Variants in ATAD3A observed in about 807,000 individuals in gnomAD.
ATAD3A encodes the protein ATPase family AAA domain containing 3A, also known as ATPase family AAA domain-containing protein 3A.
Under a neutral mutation model 73.8 loss-of-function variants are expected in ATAD3A, and 46 were observed. The ratio of observed to expected loss-of-function variants is 0.62; its 90% CI spans 0.49 to 0.80. The LOEUF (loss-of-function observed/expected upper bound fraction) is 0.80. Ranked by LOEUF, ATAD3A falls within the 30% of genes least tolerant of loss-of-function variation. ATAD3A has a pLI of 0.00. For synonymous variants in ATAD3A, 319 were observed against 350.0 expected (o/e 0.91, Z 0.99); for missense variants, 705 against 838.0 (o/e 0.84, Z 1.96).
At chr1:1,531,403 A>T (rs1467056176) in intron 15 of ATAD3A, among the ~76,000 whole-genome samples, 2 of 151,754 alleles carry the variant, frequency 1.3e-5, no homozygotes, top group Non-Finnish European at 2.9e-5. Flanking sequence ...AAGAGCCGAG[A>T]TTGCACCACT....
rs1157997013 is a variant in ATAD3A, at chr1:1,534,181, T to A, written c.*109T>A. ...ATGCTCCTGGGTGGGGACTGGGCTG[T>A]GCCCAGGGCCTCTGTCCCCCAGGAT... On this transcript the variant is annotated 3_prime_UTR_variant, in exon 16 of 16. Coordinates refer to ENST00000378756, the MANE Select transcript of ATAD3A (RefSeq NM_001170535.3). 4.4e-6 allele frequency: 7 copies of A among 1,578,436 alleles called. No individual in the cohort carries two copies. The highest frequency in any genetic ancestry group is 6.0e-6 in the Non-Finnish European group (7 of 1,163,138).
Position 1,533,934 on chromosome 1 carries a change from G to A in ATAD3A, c.1623G>A (p.Ala541=), listed in dbSNP as rs147003509. The change falls in exon 16 of 16, where the codon GCG becomes GCA. Residue 541 remains alanine, a synonymous_variant. Coordinates refer to ENST00000378756, the MANE Select transcript of ATAD3A (RefSeq NM_001170535.3). ...AQLAVSWQAT[A]YASEDGVLTE... ...GCCTCTCTCCCCACTAGGCCACGGCGTATGCCTCCGAGGACGGGGTCCTGA... is the reference window on the plus strand; with the variant it reads ...GCCTCTCTCCCCACTAGGCCACGGCATATGCCTCCGAGGACGGGGTCCTGA... The A allele has an allele frequency of 1.5e-4, 234 of 1,612,958 alleles. No individual in the cohort carries two copies. Among genetic ancestry groups the A allele is most frequent in the Middle Eastern group, 3.3e-4 (2 of 6,038 alleles).
chr1:1,515,666 G>A (rs1051470443), intron 1 of ATAD3A, among the ~76,000 whole-genome samples: 1 of 152,196 alleles, frequency 6.6e-6, no homozygotes, highest in African/African-American at 2.4e-5. Context: ...GGAAGCTTAG[G>A]AAAAGCGAAT....
In ATAD3A at chr1:1,524,331, C is replaced by T; in HGVS notation, c.1148C>T (p.Pro383Leu). ...ATCATGACAGGCGGGGACGTGGCCC[C>T]CATGGGGCGGGAAGGCGTGACCGCC... Reference protein sequence around the residue: ...YAIMTGGDVAPMGREGVTAMH... With the variant: ...YAIMTGGDVALMGREGVTAMH... Residue 383 changes from proline (P) to leucine (L), a missense_variant, in exon 11 of 16, where the codon CCC becomes CTC. By Grantham distance (98) the Pro-to-Leu change is moderately conservative. This residue lies in a region of ATAD3A where 6 missense variants were observed against 26.7 expected (regional missense o/e 0.23). Transcript: ENST00000378756. The T allele has an allele frequency of 6.2e-7, 1 of 1,613,016 alleles. No individual in the cohort carries two copies. Among genetic ancestry groups the T allele is most frequent in the Non-Finnish European group, 8.5e-7 (1 of 1,179,552 alleles).
At chr1:1,521,471 C>T (rs895694318) in intron 7 of ATAD3A, among the ~76,000 whole-genome samples, 14 of 152,288 alleles carry the variant, frequency 9.2e-5, no homozygotes, top group African/African-American at 3.4e-4. Flanking sequence ...GGTGGCGCCC[C>T]ACGTCCCACA....
chr1:1,529,423 C>G, intron 15 of ATAD3A, 92 bp downstream of exon 15: 1 of 1,494,368 alleles, frequency 6.7e-7, no homozygotes, highest in Non-Finnish European at 8.9e-7. Flanking sequence ...ACCGGTGTCA[C>G]GCGGGAGCTT....
intron 15 of ATAD3A, among the ~76,000 whole-genome samples, chr1:1,532,162 A>AT (rs1020102327): frequency 6.6e-6 from 1 of 151,988 alleles, no homozygotes; most frequent in Non-Finnish European, 1.5e-5. Context: ...AGGGTGTATA[A>AT]TTTTTTTATT....
At chr1:1,529,638 C>CA (rs1159089095) in intron 15 of ATAD3A, among the ~76,000 whole-genome samples, 7 of 152,228 alleles carry the variant, frequency 4.6e-5, no homozygotes, top group African/African-American at 1.4e-4. Context: ...TTCTGACTCT[C>CA]ACCTTGGCCA....
chr1:1,522,251 G>A (rs1190298525), intron 7 of ATAD3A, among the ~76,000 whole-genome samples: 3 of 152,100 alleles, frequency 2.0e-5, no homozygotes, highest in Non-Finnish European at 2.9e-5. Flanking sequence ...ATGTGGGTTA[G>A]GCTGGTCTTG....
intron 14 of ATAD3A, 96 bp downstream of exon 14, chr1:1,527,958 C>CT (rs376072450): frequency 0.11 from 103,367 of 974,434 alleles, 19 homozygotes; most frequent in Non-Finnish European, 0.12. Context: ...TTTAACATTC[C>CT]TTTTTTTTTT....
At chr1:1,518,092 C>T (rs1371810760) in intron 4 of ATAD3A, among the ~76,000 whole-genome samples, 7 of 151,182 alleles carry the variant, frequency 4.6e-5, no homozygotes, top group East Asian at 2.0e-4. Flanking sequence ...CCTGCACACA[C>T]GGGCCCACAC....
intron 15 of ATAD3A, among the ~76,000 whole-genome samples, chr1:1,530,816 G>A (rs534830246): frequency 8.1e-5 from 6 of 74,116 alleles, no homozygotes; most frequent in South Asian, 1.3e-3. Flanking sequence ...GCGACAGAGC[G>A]AGACTCCGTC....
chr1:1,527,363 G>A, intron 13 of ATAD3A: 3 of 1,065,802 alleles, frequency 2.8e-6, no homozygotes, highest in Non-Finnish European at 3.7e-6. Context: ...TGGCACGTGT[G>A]GGCGACTTCT....
intron 4 of ATAD3A, among the ~76,000 whole-genome samples, chr1:1,518,045 G>A (rs537387988): frequency 1.1e-4 from 17 of 151,082 alleles, no homozygotes; most frequent in African/African-American, 3.9e-4. Flanking sequence ...ACACAGACAG[G>A]TGCACCCACT....
chr1:1,518,392 C>T (rs1457639825), intron 4 of ATAD3A, among the ~76,000 whole-genome samples: 4 of 148,656 alleles, frequency 2.7e-5, no homozygotes, highest in African/African-American at 9.9e-5. Flanking sequence ...CACCCACACA[C>T]ACATGGGCAT....
chr1:1,530,601 G>A (rs1335719357), intron 15 of ATAD3A, among the ~76,000 whole-genome samples: 5 of 126,654 alleles, frequency 3.9e-5, no homozygotes, highest in East Asian at 4.8e-4. Flanking sequence ...AGGCCGAGGC[G>A]GGCGGATCAC....
intron 5 of ATAD3A, among the ~76,000 whole-genome samples, chr1:1,519,295 C>T (rs1347461742): frequency 1.5e-5 from 2 of 137,390 alleles, no homozygotes; most frequent in African/African-American, 2.6e-5. Context: ...AGCACGATCT[C>T]AGCTCACTGC....
At chr1:1,524,193 C>G (rs1641715940) in intron 10 of ATAD3A, 80 bp from the exon 11 acceptor site, 22 of 1,609,766 alleles carry the variant, frequency 1.4e-5, no homozygotes, top group Middle Eastern at 1.7e-4. Context: ...GGCAGAGCCT[C>G]CACACTCCGG....
intron 15 of ATAD3A, among the ~76,000 whole-genome samples, chr1:1,532,013 G>A (rs187620857): frequency 2.6e-5 from 4 of 152,234 alleles, no homozygotes; most frequent in Non-Finnish European, 5.9e-5. Context: ...TGCATCAGAT[G>A]AGAGGGTCAT....
Sources: allele counts gnomAD v4.1 joint callset (sites outside exome capture counted in the v4.1 genomes callset), GRCh38; gene constraint gnomAD v4.1.1; regional missense constraint gnomAD v4.1.1; transcripts MANE v1.5; gene names NCBI Gene and HGNC (gene_info 2026-07-23, HGNC 2026-07-21).